PCDHA5: variants seen among roughly 807,000 people sequenced by gnomAD.
The protein encoded by PCDHA5 is protocadherin alpha-5.
A neutral mutation model predicts 61.6 loss-of-function variants in PCDHA5; 43 were observed. The observed-to-expected ratio is 0.70, with a 90% confidence interval of 0.55 to 0.90. PCDHA5 has a LOEUF of 0.90. Among genes scored for constraint, PCDHA5 ranks in the 40% least tolerant of loss-of-function variants. PCDHA5 has a pLI of 0.00. For missense variants in PCDHA5, 1,298 were observed against 1,222.7 expected, an observed-to-expected ratio of 1.06 and a Z score of -0.92; for synonymous variants, 627 against 543.9, an observed-to-expected ratio of 1.15 and a Z score of -2.13.
chr5:140,827,605 G>A (rs1440569853), intron 1 of PCDHA5, among the ~76,000 whole-genome samples: 1 of 152,210 alleles, frequency 6.6e-6, no homozygotes, highest in Non-Finnish European at 1.5e-5. Flanking sequence ...ATGTGGGCAA[G>A]TTTCTTTTCT....
Position 140,821,850 on chromosome 5 carries a change from A to G in PCDHA5, c.75A>G (p.Ala25=). ...GGCTTCTCCTTGCCTACTGGAAGGC[A>G]GGGAGCGGCCAGCTCCACTACTCGA... ...LLWLLLAYWK[A]GSGQLHYSIP... The change falls in exon 1 of 4, where the codon GCA becomes GCG. Residue 25 remains alanine (A), a synonymous_variant. Transcript: ENST00000529859. The G allele has an allele frequency of 3.1e-6, 5 of 1,614,180 alleles. No homozygotes were observed. Among genetic ancestry groups the G allele is most frequent in the South Asian group, 1.1e-5 (1 of 91,080 alleles).
intron 1 of PCDHA5, chr5:140,853,308 C>G: frequency 3.1e-6 from 3 of 983,184 alleles, no homozygotes; most frequent in Non-Finnish European, 3.7e-6. Flanking sequence ...CTGTGAACAC[C>G]TTAGTAATAA....
chr5:140,871,071 G>C (rs1554165077), intron 1 of PCDHA5: 2 of 1,613,188 alleles, frequency 1.2e-6, no homozygotes, highest in East Asian at 2.2e-5. Context: ...ACGGTGAGCC[G>C]GCGCTGACGG....
At position 140,882,396 on chromosome 5, in the gene PCDHA5, C is replaced by G; in HGVS notation, c.2352+58269C>G. The G allele has an allele frequency of 1.9e-6, 3 of 1,614,196 alleles. No homozygotes were observed. In the South Asian group the frequency reaches 3.3e-5, roughly 18 times the overall value. On this transcript the variant is annotated intron_variant, in intron 1 of 3. Transcript: ENST00000529859. ...GTCCCCGAGGAAGCAAAACACGGCA[C>G]CTTCGTGGGCCGCATCGCTCAGGAC...
intron 1 of PCDHA5, chr5:140,841,287 A>G: frequency 3.9e-6 from 6 of 1,554,152 alleles, no homozygotes; most frequent in Non-Finnish European, 5.2e-6. Context: ...CTTTATATTA[A>G]GATAATATTT....
chr5:140,828,266 C>T, intron 1 of PCDHA5: 1 of 1,614,048 alleles, frequency 6.2e-7, no homozygotes, highest in Non-Finnish European at 8.5e-7. Context: ...GCTGGCGGAG[C>T]TGGTGCCGCG....
chr5:140,841,971 G>T (rs2150326595), intron 1 of PCDHA5: 3 of 1,613,910 alleles, frequency 1.9e-6, no homozygotes, highest in East Asian at 2.2e-5. Flanking sequence ...GCCACAGATG[G>T]GGGCAAACCT....
At chr5:140,946,801 G>C (rs2094030166) in intron 1 of PCDHA5, among the ~76,000 whole-genome samples, 1 of 151,430 alleles carries the variant, frequency 6.6e-6, no homozygotes, top group African/African-American at 2.4e-5. Flanking sequence ...TAGAAGCAGA[G>C]AGTATAACAG....
At chr5:140,841,383 T>C (rs1554138141) in intron 1 of PCDHA5, 11 of 1,613,486 alleles carry the variant, frequency 6.8e-6, no homozygotes, top group Non-Finnish European at 8.5e-6. Context: ...CTTCTGCTCC[T>C]CGCAGCCTGG....
intron 1 of PCDHA5, chr5:140,829,216 C>A (rs2150164003): frequency 1.2e-6 from 2 of 1,614,238 alleles, no homozygotes; most frequent in East Asian, 4.5e-5. Context: ...TTAGCGTGAA[C>A]GACCTCGATT....
chr5:140,912,318 C>T (rs1554195270), intron 1 of PCDHA5, among the ~76,000 whole-genome samples: 2 of 151,536 alleles, frequency 1.3e-5, no homozygotes, highest in East Asian at 1.9e-4. Context: ...CAAGTTGACC[C>T]TCAGTATTAA....
At chr5:140,992,949 T>G (rs1554253294) in intron 3 of PCDHA5, among the ~76,000 whole-genome samples, 1 of 152,162 alleles carries the variant, frequency 6.6e-6, no homozygotes, top group Admixed American at 6.5e-5. Context: ...GGAGATTAAA[T>G]CACCCCTTAT....
chr5:140,869,082 T>C (rs1554162459), intron 1 of PCDHA5: 1 of 1,582,446 alleles, frequency 6.3e-7, no homozygotes, highest in East Asian at 2.2e-5. Flanking sequence ...GAAGCTTATT[T>C]TGGAAGCCAA....
At chr5:140,966,477 T>C in intron 1 of PCDHA5, 1 of 432,754 alleles carries the variant, frequency 2.3e-6, no homozygotes, top group Non-Finnish European at 4.0e-6. Context: ...TTCTGTTTCC[T>C]TTTCCCTCCC....
chr5:140,954,638 T>C (rs1297767818), intron 1 of PCDHA5, among the ~76,000 whole-genome samples: 2 of 152,212 alleles, frequency 1.3e-5, no homozygotes, highest in Non-Finnish European at 2.9e-5. Flanking sequence ...TTCTTGTAAA[T>C]TTGTTTAAGT....
chr5:141,006,769 A>G (rs575481848), intron 3 of PCDHA5, among the ~76,000 whole-genome samples: 1 of 152,208 alleles, frequency 6.6e-6, no homozygotes, highest in Non-Finnish European at 1.5e-5. Flanking sequence ...AGAATAGAAT[A>G]GAGAAAAATG....
intron 1 of PCDHA5, among the ~76,000 whole-genome samples, chr5:140,951,868 G>A (rs1325001328): frequency 2.6e-5 from 4 of 152,132 alleles, no homozygotes; most frequent in African/African-American, 9.7e-5. Flanking sequence ...AGTCTCATCT[G>A]AGACAAGGCA....
chr5:140,876,979 G>A (rs1554169178), intron 1 of PCDHA5: 2 of 1,612,614 alleles, frequency 1.2e-6, no homozygotes, highest in South Asian at 2.2e-5. Flanking sequence ...GGGCGAGCAC[G>A]CACTGTCGAG....
intron 1 of PCDHA5, among the ~76,000 whole-genome samples, chr5:140,964,114 C>T (rs1227257943): frequency 6.6e-6 from 1 of 151,992 alleles, no homozygotes; most frequent in Non-Finnish European, 1.5e-5. Context: ...TGAGCAATCA[C>T]ATTCTAACAA....
Sources: gnomAD v4.1 joint callset for allele counts (sites outside exome capture counted in the v4.1 genomes callset) on GRCh38, gnomAD v4.1.1 for gene constraint, MANE v1.5 for transcripts, NCBI Gene and HGNC (gene_info 2026-07-23, HGNC 2026-07-21) for gene names.